PTPRM: variants seen among roughly 807,000 people sequenced by gnomAD.
PTPRM encodes the protein protein tyrosine phosphatase receptor type M, also known as receptor-type tyrosine-protein phosphatase mu.
Under a neutral mutation model 186.7 loss-of-function variants are expected in PTPRM, and 47 were observed. The ratio of observed to expected loss-of-function variants is 0.25; its 90% CI spans 0.20 to 0.32. The LOEUF (loss-of-function observed/expected upper bound fraction) is 0.32. Among genes scored for constraint, PTPRM ranks in the 10% least tolerant of loss-of-function variants. The probability of loss-of-function intolerance (pLI) is 1.00; values close to 1 mark genes in which losing one functional copy is unlikely to be tolerated. For synonymous variants in PTPRM, 668 were observed against 674.9 expected (o/e 0.99, Z 0.16); for missense variants, 1,494 against 1,865.0 (o/e 0.80, Z 3.66).
intron 7 of PTPRM, among the ~76,000 whole-genome samples, chr18:7,965,699 G>A (rs73381899): frequency 0.015 from 2,251 of 152,094 alleles, 68 homozygotes; most frequent in African/African-American, 0.052. Context: ...GGTATGTTAT[G>A]TGTTATGTCT....
chr18:7,990,977 G>T (rs2083238627), intron 7 of PTPRM, among the ~76,000 whole-genome samples: 1 of 152,130 alleles, frequency 6.6e-6, no homozygotes. Flanking sequence ...TAAGCTTCTG[G>T]TTTGCTTTAA....
intron 7 of PTPRM, among the ~76,000 whole-genome samples, chr18:8,046,105 C>T (rs2087032826): frequency 6.6e-6 from 1 of 152,080 alleles, no homozygotes; most frequent in South Asian, 2.1e-4. Flanking sequence ...TTTATAAGTG[C>T]TTGTCATTTC....
At chr18:8,018,565 C>T (rs990210131) in intron 7 of PTPRM, among the ~76,000 whole-genome samples, 3 of 152,018 alleles carry the variant, frequency 2.0e-5, no homozygotes, top group Admixed American at 2.0e-4. Flanking sequence ...AATCAATCCA[C>T]AATAATAGAG....
chr18:8,290,405 C>T (rs2095029677), intron 19 of PTPRM, among the ~76,000 whole-genome samples: 1 of 151,960 alleles, frequency 6.6e-6, no homozygotes. Flanking sequence ...ATTTTTTTCT[C>T]CTTTTTTAAT....
At chr18:8,172,811 A>T (rs910704959) in intron 14 of PTPRM, among the ~76,000 whole-genome samples, 1 of 152,190 alleles carries the variant, frequency 6.6e-6, no homozygotes, top group Non-Finnish European at 1.5e-5. Context: ...CTTTAAGATC[A>T]TCTCACCAGC....
At chr18:7,779,065 CTG>C (rs2042729941) in intron 2 of PTPRM, among the ~76,000 whole-genome samples, 1 of 152,050 alleles carries the variant, frequency 6.6e-6, no homozygotes, top group South Asian at 2.1e-4. Context: ...AAATGTAACC[CTG>C]TCTTATAAAA....
Position 8,224,237 on chromosome 18 carries a change from A to G in PTPRM, c.2301-19821A>G, listed in dbSNP as rs146309871. ...TGTCATTTGCTTCTAAGAATCATGC[A>G]ACTGCCACCTGAGTAGGCTCCAGTT... On this transcript the variant is annotated intron_variant, in intron 14 of 32. Coordinates refer to ENST00000580170, the MANE Select transcript of PTPRM (RefSeq NM_001105244.2). 5.4e-3 allele frequency among the ~76,000 whole-genome samples: 819 copies of G among 152,282 alleles called. 7 individuals are homozygous for G. The highest frequency in any genetic ancestry group is 0.019 in the African/African-American group (771 of 41,554).
In PTPRM at chr18:8,156,087, G is replaced by A. The variant is rs76835218; in HGVS notation, c.2300+12308G>A. 5.3e-5 allele frequency among the ~76,000 whole-genome samples: 8 copies of A among 152,230 alleles called. No individual in the cohort carries two copies. In the East Asian group the frequency reaches 5.8e-4, roughly 11 times the overall value. ...TATCTCAGTCTATCAATTAGCTGCC[G>A]TCCTTCAGGTTTCCAGATAATTGAA... On this transcript the variant is annotated intron_variant, in intron 14 of 32. Transcript: ENST00000580170.
chr18:7,665,837 G>T (rs917766113), intron 1 of PTPRM, among the ~76,000 whole-genome samples: 2 of 151,944 alleles, frequency 1.3e-5, no homozygotes, highest in South Asian at 4.2e-4. Flanking sequence ...CAGGAGAATC[G>T]CTTGAACCCG....
At chr18:8,127,640 C>G (rs2092404428) in intron 13 of PTPRM, among the ~76,000 whole-genome samples, 1 of 152,144 alleles carries the variant, frequency 6.6e-6, no homozygotes, top group Non-Finnish European at 1.5e-5. Context: ...ACGGTGCATA[C>G]AGTTTAGCTC....
rs570566655 is a variant in PTPRM, at chr18:8,028,202, A to G, written c.1133-41484A>G. Among the ~76,000 whole-genome samples the G allele has an allele frequency of 9.8e-5, 15 of 152,298 alleles. No homozygotes were observed. In the East Asian group the frequency reaches 2.7e-3, roughly 27 times the overall value. On this transcript the variant is annotated intron_variant, in intron 7 of 32. Coordinates refer to ENST00000580170, the MANE Select transcript of PTPRM (RefSeq NM_001105244.2). ...CTTTTAGTAGAGATGGGGTTTCGCC[A>G]TGTTGGCCAGACTGGTCTGGAACTC...
intron 4 of PTPRM, among the ~76,000 whole-genome samples, chr18:7,924,102 C>A (rs138359940): frequency 6.6e-6 from 1 of 152,080 alleles, no homozygotes; most frequent in African/African-American, 2.4e-5. Context: ...TTGTGATTTC[C>A]GGGTGTTGGA....
intron 2 of PTPRM, among the ~76,000 whole-genome samples, chr18:7,836,624 C>A (rs1035009486): frequency 2.0e-5 from 3 of 152,132 alleles, no homozygotes; most frequent in Non-Finnish European, 2.9e-5. Flanking sequence ...CATTAACATC[C>A]TTTTCTTTCT....
rs945980648 is a variant in PTPRM, at chr18:8,035,754, A to T, written c.1133-33932A>T. ...AAGGAAACTTTTGGAGATGACAGAC[A>T]TGTTTATTACCTTGATTGTGGTACA... On this transcript the variant is annotated intron_variant, in intron 7 of 32. Coordinates refer to ENST00000580170, the MANE Select transcript of PTPRM (RefSeq NM_001105244.2). Among the ~76,000 whole-genome samples, 4 of 152,120 alleles carry T rather than the reference A, an allele frequency of 2.6e-5. No individual in the cohort carries two copies. In the East Asian group the frequency reaches 7.7e-4, roughly 29 times the overall value.
intron 9 of PTPRM, among the ~76,000 whole-genome samples, chr18:8,085,418 G>C (rs1418568801): frequency 6.6e-6 from 1 of 152,142 alleles, no homozygotes; most frequent in Non-Finnish European, 1.5e-5. Context: ...CAACTTCAAA[G>C]TATTAGCTTA....
chr18:8,387,504 G>A (rs201051298), intron 31 of PTPRM, among the ~76,000 whole-genome samples: 25 of 147,292 alleles, frequency 1.7e-4, no homozygotes, highest in East Asian at 2.0e-4. Flanking sequence ...CTGCCAAGAG[G>A]AAAAAAAAAA....
At chr18:8,162,237 T>G (rs1356214494) in intron 14 of PTPRM, among the ~76,000 whole-genome samples, 1 of 151,990 alleles carries the variant, frequency 6.6e-6, no homozygotes, top group East Asian at 1.9e-4. Context: ...GTATCTAGGA[T>G]TACAGGCACA....
intron 4 of PTPRM, among the ~76,000 whole-genome samples, chr18:7,916,902 T>C (rs567480538): frequency 2.6e-5 from 4 of 152,214 alleles, no homozygotes; most frequent in South Asian, 4.1e-4. Context: ...TTAATACTTA[T>C]ATCTAACTGT....
rs117686088 is a variant in PTPRM at position 7,640,404 on chromosome 18, G to A, written c.73+72513G>A. On this transcript the variant is annotated intron_variant, in intron 1 of 32. Transcript: ENST00000580170. The stretch of plus-strand genomic sequence containing the variant: ...TGTGATAATGAGGAAATTGAGGTCC[G>A]AGGAATTTTACTTTTCTCAGGTCAT... 5.4e-3 allele frequency among the ~76,000 whole-genome samples: 821 copies of A among 152,232 alleles called. 4 individuals carry two copies. The highest frequency in any genetic ancestry group is 8.0e-3 in the Non-Finnish European group (547 of 68,006).
Sources: allele counts gnomAD v4.1 joint callset (sites outside exome capture counted in the v4.1 genomes callset), GRCh38; gene constraint gnomAD v4.1.1; transcripts MANE v1.5; gene names NCBI Gene and HGNC (gene_info 2026-07-23, HGNC 2026-07-21).